AKAP6: variants seen among roughly 807,000 people sequenced by gnomAD.
AKAP6 encodes the protein A-kinase anchoring protein 6.
In AKAP6, 58 loss-of-function variants were observed where a neutral mutation model predicts 188.5. The ratio of observed to expected loss-of-function variants is 0.31; its 90% CI spans 0.25 to 0.38. The LOEUF is 0.38. Among genes scored for constraint, AKAP6 ranks in the 10% least tolerant of loss-of-function variants. The pLI is 1.00. For missense variants in AKAP6, 2,710 were observed against 2,740.0 expected (o/e 0.99, Z 0.24); for synonymous variants, 989 against 998.6 (o/e 0.99, Z 0.18).
chr14:32,460,020 C>G (rs1178020226), intron 2 of AKAP6, among the ~76,000 whole-genome samples: 7 of 152,096 alleles, frequency 4.6e-5, no homozygotes, highest in Non-Finnish European at 7.4e-5. Context: ...CAACTCTTGA[C>G]AAAACCATAC....
In AKAP6 at chr14:32,678,435, A is replaced by T. The variant is rs2139639058; in HGVS notation, c.2855A>T (p.Lys952Ile). ...AAGGAAGAGTTTGCTGATATGTCAA[A>T]AGTTCATTCAGTGGGAAGCAATGGG... ...KRKEEFADMS[K>I]VHSVGSNGLL... Residue 952 changes from lysine to isoleucine, a missense_variant, in exon 8 of 14, where the codon AAA becomes ATA. This residue lies in a region of AKAP6 where 2,473 missense variants were observed against 2,426.1 expected (regional missense o/e 1.02). Coordinates refer to ENST00000280979, the MANE Select transcript of AKAP6 (RefSeq NM_004274.5). 6.2e-7 allele frequency: 1 copy of T among 1,613,940 alleles called. No individual in the cohort carries two copies. Among genetic ancestry groups the T allele is most frequent in the East Asian group, 2.2e-5 (1 of 44,844 alleles).
At chr14:32,428,739 G>A (rs193298363) in intron 1 of AKAP6, among the ~76,000 whole-genome samples, 38 of 152,252 alleles carry the variant, frequency 2.5e-4, no homozygotes, top group Admixed American at 9.8e-4. Context: ...TATTCAAGTT[G>A]AATGCATTCT....
At chr14:32,386,233 A>C (rs1888534450) in intron 1 of AKAP6, among the ~76,000 whole-genome samples, 1 of 152,034 alleles carries the variant, frequency 6.6e-6, no homozygotes, top group Non-Finnish European at 1.5e-5. Context: ...GCAGTGTAGA[A>C]GTGTTCCCTG....
intron 1 of AKAP6, among the ~76,000 whole-genome samples, chr14:32,337,004 A>G (rs1331418809): frequency 2.0e-5 from 3 of 152,182 alleles, no homozygotes; most frequent in Admixed American, 2.0e-4. Flanking sequence ...TTTAGCTTTT[A>G]ATAGTTAATT....
chr14:32,588,826 A>G (rs1470983207), intron 5 of AKAP6, among the ~76,000 whole-genome samples: 1 of 152,170 alleles, frequency 6.6e-6, no homozygotes, highest in African/African-American at 2.4e-5. Context: ...TATCATCTGT[A>G]TTTCTTTAGA....
chr14:32,433,445 C>T lies in AKAP6; in HGVS notation c.-34-15C>T. 1 of 1,534,474 alleles carries T rather than the reference C, an allele frequency of 6.5e-7. No homozygotes were observed. Among genetic ancestry groups the T allele is most frequent in the Non-Finnish European group, 8.9e-7 (1 of 1,119,836 alleles). On this transcript the variant is annotated splice_polypyrimidine_tract_variant and intron_variant, in intron 1 of 13. Coordinates refer to ENST00000280979, the MANE Select transcript of AKAP6 (RefSeq NM_004274.5). Reference sequence around the variant, plus strand: ...TTGACTGACTCTTGCTTTCTTCTTTCCTCTTGCCTTTCAGCTGTTTTGGAA... The same window carrying T: ...TTGACTGACTCTTGCTTTCTTCTTTTCTCTTGCCTTTCAGCTGTTTTGGAA...
In AKAP6 at chr14:32,593,860, T is replaced by TG. The variant is rs558609787; in HGVS notation, c.2470-5544dup. Among the ~76,000 whole-genome samples, 273 of 152,244 alleles carry TG rather than the reference T, an allele frequency of 1.8e-3. 1 individual carries two copies. Among genetic ancestry groups the TG allele is most frequent in the Middle Eastern group, 6.8e-3 (2 of 294 alleles). ...GTCTCATACAGCAGCATTTATGTTT[T>TG]GGGGGGTCCTCTGTGGGAAGGCCTG... On this transcript the variant is annotated intron_variant, in intron 5 of 13. Transcript: ENST00000280979.
Position 32,823,003 on chromosome 14 carries a change from C to G in AKAP6, c.5190C>G (p.Ser1730Arg). 1.9e-6 allele frequency: 3 copies of G among 1,613,836 alleles called. No individual in the cohort carries two copies. The highest frequency in any genetic ancestry group is 2.5e-6 in the Non-Finnish European group (3 of 1,179,888). Residue 1730 changes from serine (S) to arginine (R), a missense_variant, in exon 13 of 14, where the codon AGC (serine) becomes AGG (arginine). Ser to Arg is a moderately radical substitution (Grantham distance 110). This residue lies in a region of AKAP6 where 2,473 missense variants were observed against 2,426.1 expected (regional missense o/e 1.02). Coordinates refer to ENST00000280979, the MANE Select transcript of AKAP6 (RefSeq NM_004274.5). ...TGACTCGTTCAGTGGCTGATGAAAG[C>G]GATGTCAATGTCAGCATGATTGTTA... ...KRLTRSVADE[S>R]DVNVSMIVNV...
At chr14:32,826,505 T>A (rs1450419144) in intron 13 of AKAP6, among the ~76,000 whole-genome samples, 1 of 152,144 alleles carries the variant, frequency 6.6e-6, no homozygotes, top group Non-Finnish European at 1.5e-5. Context: ...GCCTGGCTGA[T>A]TTTGTTTTCT....
Position 32,492,355 on chromosome 14 carries a change from T to TATATATATAGAGAAAGAGAGAG in AKAP6, c.325-43198_325-43197insTATATATAGAGAAAGAGAGAGA. 1.2e-4 allele frequency among the ~76,000 whole-genome samples: 10 copies of TATATATATAGAGAAAGAGAGAG among 82,610 alleles called. No individual in the cohort carries two copies. The Admixed American group carries it at 1.9e-3, about 15-fold the overall frequency. 54.2% of individuals were successfully genotyped at this position (82,610 alleles called of 152,430 possible). On this transcript the variant is annotated intron_variant, in intron 2 of 13. Coordinates refer to ENST00000280979, the MANE Select transcript of AKAP6 (RefSeq NM_004274.5). ...ACATTGTAATATATATATATATATA[T>TATATATATAGAGAAAGAGAGAG]AGAGAGAGAGAGAGAGAGAGAGAGA...
At chr14:32,780,220 A>G (rs957816618) in intron 12 of AKAP6, among the ~76,000 whole-genome samples, 1 of 151,426 alleles carries the variant, frequency 6.6e-6, no homozygotes, top group African/African-American at 2.4e-5. Flanking sequence ...GGCCTTAAAA[A>G]AAAAGGAGAT....
intron 2 of AKAP6, among the ~76,000 whole-genome samples, chr14:32,480,289 C>T (rs1466764147): frequency 6.6e-6 from 1 of 152,068 alleles, no homozygotes; most frequent in African/African-American, 2.4e-5. Flanking sequence ...ATGCTGGGGT[C>T]ACAATTGAAG....
At chr14:32,642,329 G>A (rs1887792975) in intron 7 of AKAP6, among the ~76,000 whole-genome samples, 1 of 152,196 alleles carries the variant, frequency 6.6e-6, no homozygotes, top group Admixed American at 6.5e-5. Context: ...CTTGCAGCCA[G>A]TGGCATTGTA....
At chr14:32,731,478 A>G (rs1202294070) in intron 9 of AKAP6, among the ~76,000 whole-genome samples, 1 of 152,122 alleles carries the variant, frequency 6.6e-6, no homozygotes, top group Non-Finnish European at 1.5e-5. Context: ...TTGGTCATGT[A>G]GGGCAAAAGA....
chr14:32,432,926 G>A (rs757327810), intron 1 of AKAP6, among the ~76,000 whole-genome samples: 1 of 151,988 alleles, frequency 6.6e-6, no homozygotes, highest in Non-Finnish European at 1.5e-5. Context: ...TCCTCTACCC[G>A]TCATACGCAA....
intron 2 of AKAP6, among the ~76,000 whole-genome samples, chr14:32,462,340 GT>G (rs1474401867): frequency 1.3e-5 from 2 of 152,110 alleles, no homozygotes; most frequent in African/African-American, 4.8e-5. Context: ...GAAAGGTCAG[GT>G]TACCTACAAA....
chr14:32,427,302 G>A (rs1890067798), intron 1 of AKAP6, among the ~76,000 whole-genome samples: 1 of 152,188 alleles, frequency 6.6e-6, no homozygotes, highest in African/African-American at 2.4e-5. Context: ...GGGGTGGGCA[G>A]GGAAAGAGAG....
At chr14:32,409,250 G>A (rs1889400269) in intron 1 of AKAP6, among the ~76,000 whole-genome samples, 1 of 152,068 alleles carries the variant, frequency 6.6e-6, no homozygotes, top group South Asian at 2.1e-4. Flanking sequence ...ATTCATACAA[G>A]ATGCCCTTCA....
intron 4 of AKAP6, among the ~76,000 whole-genome samples, chr14:32,548,636 TAGAC>T (rs900665178): frequency 3.3e-5 from 5 of 151,864 alleles, no homozygotes; most frequent in African/African-American, 9.7e-5. Flanking sequence ...CAGACACAGA[TAGAC>T]AGACTGACAG....
Sources: allele counts gnomAD v4.1 joint callset (sites outside exome capture counted in the v4.1 genomes callset), GRCh38; gene constraint gnomAD v4.1.1; regional missense constraint gnomAD v4.1.1; transcripts MANE v1.5; gene names NCBI Gene and HGNC (gene_info 2026-07-23, HGNC 2026-07-21).